Variants in MACROD2 observed in about 807,000 individuals in gnomAD.
The protein encoded by MACROD2 is ADP-ribose glycohydrolase MACROD2.
A neutral mutation model predicts 70.4 loss-of-function variants in MACROD2; 36 were observed. The observed-to-expected ratio is 0.51, with a 90% confidence interval of 0.39 to 0.68. MACROD2 has a LOEUF of 0.68. MACROD2 is among the 30% of genes least tolerant of loss of function. The probability of loss-of-function intolerance (pLI) is 0.00; values close to 1 mark genes in which losing one functional copy is unlikely to be tolerated. For missense variants in MACROD2, 496 were observed against 538.4 expected (o/e 0.92, Z 0.78); for synonymous variants, 172 against 178.8 (o/e 0.96, Z 0.30).
chr20:14,624,958 A>T (rs1056745729), intron 4 of MACROD2, among the ~76,000 whole-genome samples: 7 of 152,172 alleles, frequency 4.6e-5, no homozygotes, highest in Non-Finnish European at 7.4e-5. Flanking sequence ...CACCTTTTGT[A>T]TGGTCCAAGT....
intron 5 of MACROD2, among the ~76,000 whole-genome samples, chr20:15,018,540 G>T (rs563399126): frequency 1.6e-4 from 25 of 152,108 alleles, no homozygotes; most frequent in African/African-American, 6.0e-4. Flanking sequence ...CCCACTGTAC[G>T]GGTACCAATT....
rs1423208905 is a variant in MACROD2, at chr20:14,980,968, GTTC to G, written c.419-248967_419-248965del. 3.3e-5 allele frequency among the ~76,000 whole-genome samples: 5 copies of G among 152,068 alleles called. No homozygotes were observed. In the East Asian group the frequency reaches 9.7e-4, roughly 29 times the overall value. The stretch of plus-strand genomic sequence containing the variant: ...AGTAGGCCCCTCCTTAGCTCCTTGA[GTTC>G]TTCTCCTCTCTCATCCAGAGTGCAG... On this transcript the variant is annotated intron_variant, in intron 5 of 17. Coordinates refer to ENST00000684519, the MANE Select transcript of MACROD2 (RefSeq NM_001351661.2).
intron 7 of MACROD2, among the ~76,000 whole-genome samples, chr20:15,481,530 A>C (rs758989067): frequency 6.6e-6 from 1 of 151,486 alleles, no homozygotes. Flanking sequence ...CAATAGAGAG[A>C]GATAATCTCA....
chr20:15,209,660 G>A (rs940763309), intron 5 of MACROD2, among the ~76,000 whole-genome samples: 3 of 152,170 alleles, frequency 2.0e-5, no homozygotes, highest in African/African-American at 2.4e-5. Context: ...AACCTTCCCA[G>A]CATTTCTTAA....
chr20:14,235,579 A>G (rs952874338), intron 3 of MACROD2, among the ~76,000 whole-genome samples: 1 of 152,190 alleles, frequency 6.6e-6, no homozygotes, highest in Non-Finnish European at 1.5e-5. Flanking sequence ...TACCTCATCC[A>G]GCTGTAGAGG....
intron 5 of MACROD2, among the ~76,000 whole-genome samples, chr20:14,989,679 G>C (rs753246409): frequency 2.0e-5 from 3 of 152,050 alleles, no homozygotes; most frequent in Non-Finnish European, 2.9e-5. Flanking sequence ...CTGTCATAGC[G>C]CTGGTGGGTG....
intron 3 of MACROD2, among the ~76,000 whole-genome samples, chr20:14,213,280 G>A (rs1456674592): frequency 7.4e-6 from 1 of 134,632 alleles, no homozygotes; most frequent in Non-Finnish European, 1.5e-5. Context: ...AAAATGGTAA[G>A]GTTAGTGTGA....
chr20:14,076,135 G>A (rs535398592), intron 2 of MACROD2, among the ~76,000 whole-genome samples: 40 of 152,280 alleles, frequency 2.6e-4, no homozygotes, highest in Admixed American at 8.5e-4. Flanking sequence ...AATAAAAGCT[G>A]TAAGATCTGT....
intron 8 of MACROD2, among the ~76,000 whole-genome samples, chr20:15,732,193 G>A (rs1399962716): frequency 1.3e-5 from 2 of 151,796 alleles, no homozygotes; most frequent in Admixed American, 1.3e-4. Context: ...GTCCATGTGT[G>A]CATTCCCACT....
At chr20:14,934,705 T>G (rs984087924) in intron 5 of MACROD2, among the ~76,000 whole-genome samples, 9 of 152,138 alleles carry the variant, frequency 5.9e-5, no homozygotes, top group Admixed American at 3.9e-4. Flanking sequence ...GTGAATTGCT[T>G]GAACTCAGGA....
chr20:15,876,671 T>C (rs1405940606), intron 9 of MACROD2, among the ~76,000 whole-genome samples: 1 of 152,128 alleles, frequency 6.6e-6, no homozygotes, highest in African/African-American at 2.4e-5. Flanking sequence ...TAGTTCTAGA[T>C]CCCTGAGGAG....
At chr20:14,607,199 G>A (rs1982861041) in intron 4 of MACROD2, among the ~76,000 whole-genome samples, 2 of 152,030 alleles carry the variant, frequency 1.3e-5, no homozygotes, top group South Asian at 4.2e-4. Context: ...AGTCAATAGG[G>A]GTTCTAACAT....
At chr20:14,808,294 A>T (rs865951702) in intron 5 of MACROD2, among the ~76,000 whole-genome samples, 1 of 152,128 alleles carries the variant, frequency 6.6e-6, no homozygotes, top group African/African-American at 2.4e-5. Flanking sequence ...ATTTTTAAAG[A>T]AAATAATTTT....
At chr20:14,302,533 C>T (rs1420291859) in intron 3 of MACROD2, among the ~76,000 whole-genome samples, 2 of 152,196 alleles carry the variant, frequency 1.3e-5, no homozygotes, top group African/African-American at 2.4e-5. Flanking sequence ...CTGAAATAGG[C>T]GACTTGCTTT....
chr20:15,749,713 ATCT>A (rs2051239251), intron 8 of MACROD2, among the ~76,000 whole-genome samples: 1 of 152,136 alleles, frequency 6.6e-6, no homozygotes, highest in African/African-American at 2.4e-5. Context: ...TGGGTTAAAA[ATCT>A]TCTTACAAAA....
chr20:15,318,337 A>G (rs2077836914), intron 6 of MACROD2, among the ~76,000 whole-genome samples: 1 of 152,172 alleles, frequency 6.6e-6, no homozygotes, highest in African/African-American at 2.4e-5. Context: ...CAGTAATTAA[A>G]CACTTCCCAA....
intron 6 of MACROD2, among the ~76,000 whole-genome samples, chr20:15,234,620 T>G (rs175297): frequency 0.28 from 42,756 of 152,004 alleles, 6,238 homozygotes; most frequent in African/African-American, 0.34. Flanking sequence ...CTAAATTATG[T>G]TGATTTCTAG....
At chr20:14,070,704 C>T (rs545344617) in intron 2 of MACROD2, among the ~76,000 whole-genome samples, 4 of 152,114 alleles carry the variant, frequency 2.6e-5, no homozygotes, top group Non-Finnish European at 4.4e-5. Flanking sequence ...GGTTCACTGA[C>T]AGCACGCCCC....
intron 13 of MACROD2, among the ~76,000 whole-genome samples, chr20:15,968,565 C>T (rs1418914137): frequency 6.6e-6 from 1 of 151,588 alleles, no homozygotes; most frequent in Non-Finnish European, 1.5e-5. Flanking sequence ...AATAATTGTT[C>T]TATCAAATAA....
Sources: gnomAD v4.1 joint callset for allele counts (sites outside exome capture counted in the v4.1 genomes callset) on GRCh38, gnomAD v4.1.1 for gene constraint, MANE v1.5 for transcripts, NCBI Gene and HGNC (gene_info 2026-07-23, HGNC 2026-07-21) for gene names.